Variants in CFAP44 observed in about 807,000 individuals in gnomAD.
The protein encoded by CFAP44 is cilia and flagella associated protein 44.
Under a neutral mutation model 216.2 loss-of-function variants are expected in CFAP44, and 134 were observed. The ratio of observed to expected loss-of-function variants is 0.62; its 90% confidence interval spans 0.54 to 0.72. The LOEUF (loss-of-function observed/expected upper bound fraction) is 0.72. CFAP44 is among the 30% of genes least tolerant of loss of function. CFAP44 has a pLI of 0.00. For missense variants in CFAP44, 2,035 were observed against 2,182.1 expected, an observed-to-expected ratio of 0.93 and a Z score of 1.34; for synonymous variants, 700 against 727.6, an observed-to-expected ratio of 0.96 and a Z score of 0.61.
intron 6 of CFAP44, among the ~76,000 whole-genome samples, chr3:113,411,126 C>T (rs1296664719): frequency 1.3e-5 from 2 of 152,094 alleles, no homozygotes; most frequent in African/African-American, 2.4e-5. Flanking sequence ...GTTTCTTTTG[C>T]TGTGCAGAAG....
intron 1 of CFAP44, among the ~76,000 whole-genome samples, chr3:113,439,947 T>C (rs1180121991): frequency 1.3e-5 from 2 of 152,208 alleles, no homozygotes; most frequent in Non-Finnish European, 2.9e-5. Flanking sequence ...AGAAAAAAAG[T>C]AATAGCTTGT....
Position 113,403,935 on chromosome 3 carries a change from T to G in CFAP44, c.1087A>C (p.Lys363Gln). 6.2e-7 allele frequency: 1 copy of G among 1,614,192 alleles called. No homozygotes were observed. Among genetic ancestry groups the G allele is most frequent in the African/African-American group, 1.3e-5 (1 of 75,058 alleles). The change falls in exon 9 of 35, where the codon AAG becomes CAG. Residue 363 changes from lysine (K) to glutamine (Q), a missense_variant. By Grantham distance (53) the Lys-to-Gln change is moderately conservative. Around this residue, in one of 3 missense-constraint regions of CFAP44, gnomAD observed 1,883 missense variants for 2,023.7 expected, o/e 0.93. Transcript: ENST00000393845. ...IKVELCRGTS[K>Q]SCHNGPINQI... Reference sequence around the variant, plus strand: ...TTAATGGGACCATTGTGACATGACTTGCTTGTCCCTCGACAGAGCTCCACT... The same window carrying G: ...TTAATGGGACCATTGTGACATGACTGGCTTGTCCCTCGACAGAGCTCCACT...
At chr3:113,436,236 GT>G (rs34231690) in intron 1 of CFAP44, among the ~76,000 whole-genome samples, 24,412 of 146,832 alleles carry the variant, frequency 0.17, 1,984 homozygotes, top group Middle Eastern at 0.2. Context: ...GTGAGTAACT[GT>G]TTTTTTTTTT....
intron 23 of CFAP44, among the ~76,000 whole-genome samples, chr3:113,344,162 T>C (rs967927307): frequency 1.3e-5 from 2 of 152,186 alleles, no homozygotes; most frequent in Non-Finnish European, 2.9e-5. Flanking sequence ...GAACCTAGCA[T>C]CTGGGGAAAT....
Position 113,290,114 on chromosome 3 carries a change from G to T in CFAP44, c.*1443C>A. ...TTTACCGCAATAAATAAGACACTCA[G>T]GGCTATGACTAGCATATTTTTAAAA... On this transcript the variant is annotated 3_prime_UTR_variant, in exon 35 of 35. Transcript: ENST00000393845. The T allele has an allele frequency of 6.6e-6, 1 of 152,168 alleles. No homozygotes were observed. The highest frequency in any genetic ancestry group is 1.5e-5 in the Non-Finnish European group (1 of 68,018). The allele number at this position is 152,168 out of a possible 1,614,324, so 9.4% of individuals were successfully genotyped here. A position where few individuals can be genotyped will look rare whatever the true frequency, so the allele number is the denominator to read the frequency against.
chr3:113,327,516 G>C, intron 27 of CFAP44, 100 bp downstream of exon 27: 1 of 1,064,658 alleles, frequency 9.4e-7, no homozygotes, highest in Non-Finnish European at 1.3e-6. Context: ...AAAGAGATAA[G>C]GGCTAGAACA....
chr3:113,305,809 G>T (rs1400693422), intron 30 of CFAP44, among the ~76,000 whole-genome samples: 1 of 152,160 alleles, frequency 6.6e-6, no homozygotes, highest in Non-Finnish European at 1.5e-5. Context: ...AATTGAAAAT[G>T]TCAGAGTTTC....
intron 32 of CFAP44, among the ~76,000 whole-genome samples, chr3:113,300,108 C>T (rs907750063): frequency 6.6e-6 from 1 of 152,140 alleles, no homozygotes; most frequent in African/African-American, 2.4e-5. Context: ...AAGCCAGGCA[C>T]ATAAAGACAA....
chr3:113,357,167 G>GT (rs1232032926), intron 22 of CFAP44, among the ~76,000 whole-genome samples: 41 of 152,244 alleles, frequency 2.7e-4, no homozygotes, highest in Non-Finnish European at 5.4e-4. Context: ...ACCATACTGA[G>GT]ATGCTACTAC....
At chr3:113,377,747 G>T (rs1576579513) in intron 17 of CFAP44, among the ~76,000 whole-genome samples, 1 of 152,034 alleles carries the variant, frequency 6.6e-6, no homozygotes, top group Non-Finnish European at 1.5e-5. Flanking sequence ...TCACCTCCCG[G>T]GTTCAAGCAA....
At chr3:113,368,150 A>C (rs1368827282) in intron 18 of CFAP44, among the ~76,000 whole-genome samples, 1 of 152,234 alleles carries the variant, frequency 6.6e-6, no homozygotes, top group Non-Finnish European at 1.5e-5. Flanking sequence ...AATGGAACCA[A>C]GTTAGAAAAC....
intron 6 of CFAP44, among the ~76,000 whole-genome samples, chr3:113,411,833 A>C (rs1290995193): frequency 1.3e-5 from 2 of 152,136 alleles, no homozygotes; most frequent in Non-Finnish European, 2.9e-5. Context: ...AGTGGTTTGT[A>C]GTTCTCCTTG....
intron 21 of CFAP44, chr3:113,360,275 C>T (rs3856721): frequency 1.9e-5 from 2 of 107,658 alleles, no homozygotes; most frequent in South Asian, 2.2e-4. Flanking sequence ...ATGTTATTAT[C>T]AAGTGAGATA....
intron 22 of CFAP44, among the ~76,000 whole-genome samples, chr3:113,347,920 ATTTTTCTCGGT>A (rs1950403297): frequency 1.3e-5 from 2 of 152,006 alleles, no homozygotes; most frequent in Non-Finnish European, 2.9e-5. Context: ...ACTAAATCCG[ATTTTTCTCGGT>A]CCTCATTGTG....
At chr3:113,306,023 A>G (rs1279402141) in intron 30 of CFAP44, among the ~76,000 whole-genome samples, 178 bp downstream of exon 30, 1 of 152,164 alleles carries the variant, frequency 6.6e-6, no homozygotes, top group African/African-American at 2.4e-5. Flanking sequence ...AGTAAGTCCA[A>G]TGATCAAAAA....
chr3:113,388,259 G>A (rs1933704417), intron 15 of CFAP44, among the ~76,000 whole-genome samples: 1 of 152,158 alleles, frequency 6.6e-6, no homozygotes, highest in African/African-American at 2.4e-5. Context: ...CTTCAGGACT[G>A]ACCCAGCACA....
At chr3:113,352,080 A>G (rs1325529907) in intron 22 of CFAP44, among the ~76,000 whole-genome samples, 1 of 152,182 alleles carries the variant, frequency 6.6e-6, no homozygotes, top group Non-Finnish European at 1.5e-5. Flanking sequence ...TGAGAGGTGA[A>G]GCCAGCTGGA....
chr3:113,373,659 G>T, intron 17 of CFAP44, 103 bp from the exon 18 acceptor site: 3 of 978,474 alleles, frequency 3.1e-6, no homozygotes, highest in Admixed American at 3.9e-5. Flanking sequence ...TAAAATAGAT[G>T]TTTTCAAACA....
intron 3 of CFAP44, chr3:113,426,582 C>A: frequency 3.7e-6 from 1 of 266,924 alleles, no homozygotes; most frequent in Non-Finnish European, 7.2e-6. Context: ...TGAGGCCTCC[C>A]CAGCCATGCA....
Sources: gnomAD v4.1 joint callset for allele counts (sites outside exome capture counted in the v4.1 genomes callset) on GRCh38, gnomAD v4.1.1 for gene constraint, gnomAD v4.1.1 regional missense constraint, MANE v1.5 for transcripts, NCBI Gene and HGNC (gene_info 2026-07-23, HGNC 2026-07-21) for gene names.